GMDS: variants seen among roughly 807,000 people sequenced by gnomAD.
The protein encoded by GMDS is GDP-mannose 4,6-dehydratase.
In GMDS, 20 loss-of-function variants were observed where a neutral mutation model predicts 49.9. The ratio of observed to expected loss-of-function variants is 0.40; its 90% CI spans 0.28 to 0.58. The LOEUF is 0.58. Among genes scored for constraint, GMDS ranks in the 20% least tolerant of loss-of-function variants. The pLI is 0.42. For missense variants in GMDS, 362 were observed against 481.4 expected (o/e 0.75, Z 2.32); for synonymous variants, 177 against 178.6 (o/e 0.99, Z 0.07).
chr6:2,238,829 T>C (rs1365531947), intron 1 of GMDS, among the ~76,000 whole-genome samples: 1 of 150,792 alleles, frequency 6.6e-6, no homozygotes, highest in Non-Finnish European at 1.5e-5. Context: ...ATATGTACAA[T>C]TATTATGTAC....
At chr6:1,702,359 T>G (rs796608290) in intron 9 of GMDS, among the ~76,000 whole-genome samples, 54 of 152,334 alleles carry the variant, frequency 3.5e-4, no homozygotes, top group African/African-American at 1.2e-3. Flanking sequence ...AACATGAGAC[T>G]GTATTCTGTT....
intron 9 of GMDS, among the ~76,000 whole-genome samples, chr6:1,678,250 C>G (rs1450118695): frequency 6.6e-6 from 1 of 152,084 alleles, no homozygotes; most frequent in Non-Finnish European, 1.5e-5. Flanking sequence ...TGAAATATAC[C>G]CAGAGGACTC....
At chr6:1,891,635 A>C (rs1759875740) in intron 7 of GMDS, among the ~76,000 whole-genome samples, 1 of 152,226 alleles carries the variant, frequency 6.6e-6, no homozygotes, top group African/African-American at 2.4e-5. Context: ...AAGAGGACGA[A>C]CCGCTAGGGC....
rs117617063 is a variant in GMDS at position 1,968,534 on chromosome 6, A to G, written c.346-7568T>C. On this transcript the variant is annotated intron_variant, in intron 4 of 10. Coordinates refer to ENST00000380815, the MANE Select transcript of GMDS (RefSeq NM_001500.4). ...CCCACTCCCCTCTTGCGGGGTTTAC[A>G]GTGTTCCAATTCCTCGCCTTGGTCC... 4.9e-4 allele frequency among the ~76,000 whole-genome samples: 74 copies of G among 152,220 alleles called. 3 individuals are homozygous for G. The East Asian group carries it at 0.014, about 30-fold the overall frequency.
At chr6:1,693,376 C>T (rs141005679) in intron 9 of GMDS, among the ~76,000 whole-genome samples, 6 of 152,222 alleles carry the variant, frequency 3.9e-5, no homozygotes, top group African/African-American at 2.4e-5. Context: ...CTTACCAGTC[C>T]GGCTGCCCTG....
chr6:2,084,700 G>C (rs1161851657), intron 4 of GMDS, among the ~76,000 whole-genome samples: 1 of 151,974 alleles, frequency 6.6e-6, no homozygotes, highest in African/African-American at 2.4e-5. Context: ...ATAGAGATGG[G>C]GTTTCACCGT....
In GMDS at chr6:2,028,169, T is replaced by G. The variant is rs559122575; in HGVS notation, c.346-67203A>C. ...TCTTTATGTGTAAAATGAATACTTT[T>G]GTTCACACAAACAGCGCCTCATTCC... is the stretch of plus-strand genomic sequence containing the variant. On this transcript the variant is annotated intron_variant, in intron 4 of 10. Transcript: ENST00000380815. Among the ~76,000 whole-genome samples the G allele has an allele frequency of 2.0e-5, 3 of 152,356 alleles. No individual in the cohort carries two copies. In the East Asian group the frequency reaches 5.8e-4, roughly 29 times the overall value.
chr6:2,034,805 C>G (rs528698713), intron 4 of GMDS, among the ~76,000 whole-genome samples: 28 of 152,284 alleles, frequency 1.8e-4, no homozygotes, highest in Non-Finnish European at 2.8e-4. Flanking sequence ...TTGTCCAGAG[C>G]TTACCTGATA....
chr6:2,032,138 G>T (rs896181291), intron 4 of GMDS, among the ~76,000 whole-genome samples: 1 of 152,088 alleles, frequency 6.6e-6, no homozygotes, highest in African/African-American at 2.4e-5. Context: ...GTATCCAGTT[G>T]CCCATCAACA....
intron 9 of GMDS, among the ~76,000 whole-genome samples, chr6:1,721,889 A>G (rs1444006069): frequency 6.6e-6 from 1 of 152,146 alleles, no homozygotes; most frequent in African/African-American, 2.4e-5. Context: ...AAACAGGATC[A>G]GAAAGGCTGA....
intron 6 of GMDS, among the ~76,000 whole-genome samples, chr6:1,940,243 A>C (rs1762758738): frequency 6.6e-6 from 1 of 152,262 alleles, no homozygotes; most frequent in Non-Finnish European, 1.5e-5. Flanking sequence ...ACTTGAAGTA[A>C]CCAAAATTTG....
intron 9 of GMDS, among the ~76,000 whole-genome samples, chr6:1,642,835 C>G (rs1347801439): frequency 6.6e-6 from 1 of 152,192 alleles, no homozygotes; most frequent in Non-Finnish European, 1.5e-5. Flanking sequence ...TCAGGATGGG[C>G]CTCGGATCTC....
chr6:2,063,972 T>A (rs1399043710), intron 4 of GMDS, among the ~76,000 whole-genome samples: 1 of 152,244 alleles, frequency 6.6e-6, no homozygotes, highest in Non-Finnish European at 1.5e-5. Context: ...CAGATGTTAC[T>A]AGTATAACTA....
At chr6:2,163,954 C>G (rs929719424) in intron 1 of GMDS, among the ~76,000 whole-genome samples, 1 of 152,230 alleles carries the variant, frequency 6.6e-6, no homozygotes, top group Non-Finnish European at 1.5e-5. Context: ...TGGACCCTCC[C>G]GTGGTGGGCA....
chr6:1,627,464 T>C (rs1762878241), intron 9 of GMDS, among the ~76,000 whole-genome samples: 1 of 152,198 alleles, frequency 6.6e-6, no homozygotes, highest in Non-Finnish European at 1.5e-5. Flanking sequence ...TGTGCTCAGA[T>C]ACAGAACTGT....
intron 4 of GMDS, among the ~76,000 whole-genome samples, chr6:1,990,018 T>C (rs999031502): frequency 6.6e-6 from 1 of 152,264 alleles, no homozygotes; most frequent in African/African-American, 2.4e-5. Flanking sequence ...AGCCATAGGC[T>C]GGGCGCAATG....
intron 4 of GMDS, among the ~76,000 whole-genome samples, chr6:2,016,098 A>AAC (rs1265772923): frequency 2.1e-4 from 31 of 150,800 alleles, no homozygotes; most frequent in African/African-American, 7.0e-4. Flanking sequence ...AAAAAAAAAA[A>AAC]AAACAGAAAA....
chr6:1,631,765 C>G (rs1431230344), intron 9 of GMDS, among the ~76,000 whole-genome samples: 1 of 152,184 alleles, frequency 6.6e-6, no homozygotes, highest in Non-Finnish European at 1.5e-5. Context: ...TATTCATTCC[C>G]TCAGCCACTT....
chr6:1,958,269 C>G (rs891641128), intron 6 of GMDS, among the ~76,000 whole-genome samples: 1 of 151,994 alleles, frequency 6.6e-6, no homozygotes, highest in Non-Finnish European at 1.5e-5. Flanking sequence ...CCTATCCTGA[C>G]CTGATTCACA....
Sources: gnomAD v4.1 joint callset for allele counts (sites outside exome capture counted in the v4.1 genomes callset) on GRCh38, gnomAD v4.1.1 for gene constraint, MANE v1.5 for transcripts, NCBI Gene and HGNC (gene_info 2026-07-23, HGNC 2026-07-21) for gene names.